The following NEDD9 variants were observed in gnomAD, a reference collection of about 807,000 sequenced individuals.
The protein encoded by NEDD9 is enhancer of filamentation 1.
Under a neutral mutation model 76.6 loss-of-function variants are expected in NEDD9, and 26 were observed. The observed-to-expected ratio is 0.34, with a 90% CI of 0.25 to 0.47. The LOEUF (loss-of-function observed/expected upper bound fraction) is 0.47. Among genes scored for constraint, NEDD9 ranks in the 20% least tolerant of loss-of-function variants. The pLI, the probability that NEDD9 is intolerant of heterozygous loss-of-function variation, is 1.00. For missense variants in NEDD9, 937 were observed against 1,058.5 expected, an observed-to-expected ratio of 0.89 and a Z score of 1.59; for synonymous variants, 392 against 414.2, an observed-to-expected ratio of 0.95 and a Z score of 0.65.
chr6:11,343,992 T>G (rs1306618998), intron 1 of NEDD9, among the ~76,000 whole-genome samples: 1 of 152,230 alleles, frequency 6.6e-6, no homozygotes, highest in Non-Finnish European at 1.5e-5. Flanking sequence ...AAGATAGGAC[T>G]GTTTTAGAGA....
At chr6:11,340,742 G>T (rs1163905775) in intron 1 of NEDD9, among the ~76,000 whole-genome samples, 1 of 152,124 alleles carries the variant, frequency 6.6e-6, no homozygotes, top group Non-Finnish European at 1.5e-5. Flanking sequence ...TCTCTCAATG[G>T]CCTTCTAATT....
At chr6:11,282,942 C>CCAATAA (rs1486264264) in intron 3 of NEDD9, among the ~76,000 whole-genome samples, 5 of 152,232 alleles carry the variant, frequency 3.3e-5, no homozygotes, top group Admixed American at 2.0e-4. Flanking sequence ...TCGTTATGAT[C>CCAATAA]ACCTACAATG....
intron 1 of NEDD9, among the ~76,000 whole-genome samples, chr6:11,380,358 G>A (rs1026177551): frequency 1.3e-5 from 2 of 152,322 alleles, no homozygotes; most frequent in Admixed American, 1.3e-4. Flanking sequence ...AAGGAGAGAA[G>A]CCATGAAGGG....
At chr6:11,361,894 C>A (rs1030391452) in intron 1 of NEDD9, among the ~76,000 whole-genome samples, 6 of 152,026 alleles carry the variant, frequency 3.9e-5, no homozygotes, top group African/African-American at 1.4e-4. Flanking sequence ...GTGAGCTGAG[C>A]CTGGCATATG....
intron 3 of NEDD9, among the ~76,000 whole-genome samples, chr6:11,278,373 A>G (rs748410836): frequency 9.9e-5 from 15 of 152,106 alleles, no homozygotes; most frequent in Non-Finnish European, 1.8e-4. Flanking sequence ...TCCAACACTT[A>G]TAGATGAGGC....
intron 2 of NEDD9, among the ~76,000 whole-genome samples, chr6:11,312,089 G>A (rs1434665045): frequency 1.3e-5 from 2 of 151,990 alleles, no homozygotes; most frequent in African/African-American, 4.8e-5. Flanking sequence ...CACAACTTCA[G>A]TTTCCACCTA....
chr6:11,309,857 T>C (rs1761313939), intron 2 of NEDD9, among the ~76,000 whole-genome samples: 2 of 152,202 alleles, frequency 1.3e-5, no homozygotes, highest in African/African-American at 4.8e-5. Context: ...TATAATAATA[T>C]CCATAGTTTT....
At chr6:11,336,826 C>A (rs893526650) in intron 1 of NEDD9, among the ~76,000 whole-genome samples, 2 of 152,220 alleles carry the variant, frequency 1.3e-5, no homozygotes, top group African/African-American at 4.8e-5. Flanking sequence ...CCTAGCCCTA[C>A]ATGGGGTCAG....
chr6:11,281,059 C>G (rs529063267), intron 3 of NEDD9, among the ~76,000 whole-genome samples: 8 of 152,206 alleles, frequency 5.3e-5, no homozygotes, highest in Non-Finnish European at 1.0e-4. Flanking sequence ...ACCTTGTCCT[C>G]TTGGCTGAGA....
chr6:11,291,704 A>T (rs1232695650), intron 3 of NEDD9, among the ~76,000 whole-genome samples: 2 of 152,172 alleles, frequency 1.3e-5, no homozygotes, highest in Non-Finnish European at 2.9e-5. Flanking sequence ...TACTTAACAG[A>T]TAGGGTTGCA....
intron 2 of NEDD9, among the ~76,000 whole-genome samples, chr6:11,323,444 A>G (rs1195890486): frequency 6.6e-6 from 1 of 152,248 alleles, no homozygotes; most frequent in East Asian, 1.9e-4. Flanking sequence ...TGCAGGGCTC[A>G]TGGGCTCAAA....
In NEDD9 at chr6:11,190,711, G is replaced by A; in HGVS notation, c.1158C>T (p.Ser386=). Residue 386 remains serine (S), a synonymous_variant, in exon 5 of 7, where the codon TCC becomes TCT. Coordinates refer to ENST00000379446, the MANE Select transcript of NEDD9 (RefSeq NM_006403.4). The surrounding 1 kb of genome is among the most constrained non-coding windows in gnomAD (Gnocchi z 5.8). ...AGGCTGACAGTGAGGACTCCTTGGAGGAGGTGGAAGACGTGGACATGTTAC... is the reference window on the plus strand; with the variant it reads ...AGGCTGACAGTGAGGACTCCTTGGAAGAGGTGGAAGACGTGGACATGTTAC... The part of the protein sequence containing the change: ...TRSNMSTSST[S]SKESSLSASP... 1.2e-6 allele frequency: 2 copies of A among 1,614,180 alleles called. No individual in the cohort carries two copies. Among genetic ancestry groups the A allele is most frequent in the South Asian group, 1.1e-5 (1 of 91,090 alleles).
chr6:11,185,595 T>C lies in NEDD9; in HGVS notation c.2072A>G (p.Gln691Arg), dbSNP rs993842095. Residue 691 changes from glutamine (Q) to arginine (R), a missense_variant, in exon 7 of 7, where the codon CAG (glutamine) becomes CGG (arginine). Transcript: ENST00000379446. ...GCCACTGTTTGTGGTGGGTAGGCTC[T>C]GAGAGGGCTTCCACTTCGAGATGTC... ...ENDISKWKPS[Q>R]SLPTTNSGVS... is the part of the protein sequence containing the mutation. 1.7e-5 allele frequency: 28 copies of C among 1,614,110 alleles called. No homozygotes were observed. The Admixed American group carries it at 3.2e-4, about 18-fold the overall frequency.
At chr6:11,356,282 C>T (rs1762573887) in intron 1 of NEDD9, among the ~76,000 whole-genome samples, 1 of 152,124 alleles carries the variant, frequency 6.6e-6, no homozygotes, top group Admixed American at 6.5e-5. Flanking sequence ...CTAAGAGTCA[C>T]CTGGGAAGTC....
chr6:11,253,905 AT>A (rs911650563), intron 3 of NEDD9, among the ~76,000 whole-genome samples: 8 of 151,626 alleles, frequency 5.3e-5, no homozygotes, highest in African/African-American at 1.9e-4. Context: ...TTGTACTGGT[AT>A]TTTTTTTTAA....
At chr6:11,312,346 A>G (rs530497938) in intron 2 of NEDD9, among the ~76,000 whole-genome samples, 60 of 151,124 alleles carry the variant, frequency 4.0e-4, no homozygotes, top group Non-Finnish European at 5.9e-4. Context: ...GCCTCATCCT[A>G]ATGGTTTCCA....
intron 2 of NEDD9, among the ~76,000 whole-genome samples, chr6:11,204,609 A>G (rs1364873017): frequency 6.6e-6 from 1 of 150,522 alleles, no homozygotes; most frequent in Non-Finnish European, 1.5e-5. Flanking sequence ...AGTCCCAGCT[A>G]CTCGGGAGGC....
upstream of NEDD9, among the ~76,000 whole-genome samples, chr6:11,232,865 C>T (rs867810697): frequency 2.0e-5 from 3 of 152,150 alleles, no homozygotes; most frequent in African/African-American, 7.2e-5. Context: ...GGGAACCGTC[C>T]TGAACCTTAC....
chr6:11,312,665 TG>T (rs199528188), intron 2 of NEDD9, among the ~76,000 whole-genome samples: 11,391 of 146,144 alleles, frequency 0.078, 566 homozygotes, highest in Admixed American at 0.16. Context: ...AGTTTGATAA[TG>T]GTATTATAAT....
Sources: gnomAD v4.1 joint callset for allele counts (sites outside exome capture counted in the v4.1 genomes callset) on GRCh38, gnomAD v4.1.1 for gene constraint, Gnocchi (gnomAD v3.1) non-coding constraint, MANE v1.5 for transcripts, NCBI Gene and HGNC (gene_info 2026-07-23, HGNC 2026-07-21) for gene names.